The following PPM1L variants were observed in gnomAD, a reference collection of about 807,000 sequenced individuals.
PPM1L encodes the protein protein phosphatase 1L.
In PPM1L, 13 loss-of-function variants were observed where a neutral mutation model predicts 31.4. That is an observed-to-expected ratio of 0.41 (90% confidence interval 0.27 to 0.66). The LOEUF (loss-of-function observed/expected upper bound fraction) is 0.66. Among genes scored for constraint, PPM1L ranks in the 30% least tolerant of loss-of-function variants. The probability of loss-of-function intolerance (pLI) is 0.29; values close to 1 mark genes in which losing one functional copy is unlikely to be tolerated. For synonymous variants in PPM1L, 184 were observed against 175.4 expected (o/e 1.05, Z -0.39); for missense variants, 326 against 453.7 (o/e 0.72, Z 2.56).
At chr3:160,814,521 ACACACATATG>A (rs1227402376) in intron 1 of PPM1L, among the ~76,000 whole-genome samples, 22 of 101,176 alleles carry the variant, frequency 2.2e-4, no homozygotes, top group African/African-American at 8.0e-4. Flanking sequence ...ATATATATAC[ACACACATATG>A]TATGTATGTG....
At chr3:160,823,347 T>C (rs1303876450) in intron 1 of PPM1L, among the ~76,000 whole-genome samples, 1 of 151,318 alleles carries the variant, frequency 6.6e-6, no homozygotes, top group East Asian at 2.0e-4. Flanking sequence ...TTTCTTAATA[T>C]ATTGTGCAAA....
At chr3:161,032,215 C>CT (rs1453884468) in intron 2 of PPM1L, among the ~76,000 whole-genome samples, 2 of 152,222 alleles carry the variant, frequency 1.3e-5, no homozygotes, top group African/African-American at 2.4e-5. Flanking sequence ...TCATTCTATT[C>CT]TGTTAGGGTT....
At chr3:160,823,368 A>ATTTTTTTTTT (rs199918303) in intron 1 of PPM1L, among the ~76,000 whole-genome samples, 3 of 142,154 alleles carry the variant, frequency 2.1e-5, no homozygotes, top group Non-Finnish European at 3.1e-5. Context: ...TGTATAAATG[A>ATTTTTTTTTT]TTTTTTTTTT....
chr3:160,999,475 C>T (rs1324362410), intron 2 of PPM1L, among the ~76,000 whole-genome samples: 1 of 152,246 alleles, frequency 6.6e-6, no homozygotes, highest in Admixed American at 6.5e-5. Context: ...GAATCTCTTA[C>T]ACCCCAGTTA....
At chr3:160,992,860 T>C (rs1159380501) in intron 2 of PPM1L, among the ~76,000 whole-genome samples, 1 of 152,188 alleles carries the variant, frequency 6.6e-6, no homozygotes, top group Middle Eastern at 3.2e-3. Context: ...CTCATCTCTC[T>C]GAAGGAAGGT....
At chr3:161,024,714 A>G (rs1000759775) in intron 2 of PPM1L, among the ~76,000 whole-genome samples, 5 of 141,904 alleles carry the variant, frequency 3.5e-5, no homozygotes, top group Non-Finnish European at 7.6e-5. Context: ...AAAAAAAAAA[A>G]GGAAGCTCTG....
At chr3:160,887,208 TC>T (rs1560139305) in intron 1 of PPM1L, among the ~76,000 whole-genome samples, 1 of 152,040 alleles carries the variant, frequency 6.6e-6, no homozygotes, top group East Asian at 1.9e-4. Context: ...ATATGGGACT[TC>T]ATAAAAAGAC....
rs565590188 is a variant in PPM1L, at chr3:160,813,996, A to T, written c.399+57289A>T. Among the ~76,000 whole-genome samples, 4 of 152,358 alleles carry T rather than the reference A, an allele frequency of 2.6e-5. No individual in the cohort carries two copies. The East Asian group carries it at 7.7e-4, about 29-fold the overall frequency. On this transcript the variant is annotated intron_variant, in intron 1 of 3. Transcript: ENST00000498165. ...TACATATTTGGTAAATTTTGTTTAT[A>T]GAGACATAGAAAAGTAAAGATCTTT...
chr3:160,905,169 C>T lies in PPM1L; in HGVS notation c.400-56567C>T, dbSNP rs74847773. Among the ~76,000 whole-genome samples the T allele has an allele frequency of 6.3e-3, 958 of 152,236 alleles. 21 individuals are homozygous for T. Among genetic ancestry groups the T allele is most frequent in the Admixed American group, 0.051 (778 of 15,282 alleles). ...ACTGTATGATTTGCTAATCCAACCTCATATATCTTTATTATACGAAATTTA... is the reference window on the plus strand; with the variant it reads ...ACTGTATGATTTGCTAATCCAACCTTATATATCTTTATTATACGAAATTTA... On this transcript the variant is annotated intron_variant, in intron 1 of 3. Transcript: ENST00000498165.
intron 1 of PPM1L, among the ~76,000 whole-genome samples, chr3:160,918,285 A>G (rs1018292379): frequency 1.3e-5 from 2 of 152,276 alleles, no homozygotes; most frequent in Non-Finnish European, 2.9e-5. Context: ...TACCTGGCAC[A>G]TGGTATAGAG....
intron 2 of PPM1L, among the ~76,000 whole-genome samples, chr3:161,012,559 T>C (rs1274476483): frequency 1.3e-5 from 2 of 151,842 alleles, no homozygotes; most frequent in Non-Finnish European, 2.9e-5. Context: ...GATTCCCTCT[T>C]TTTCTATTGA....
chr3:160,839,415 T>TA (rs943126871), intron 1 of PPM1L, among the ~76,000 whole-genome samples: 6 of 151,254 alleles, frequency 4.0e-5, no homozygotes, highest in East Asian at 1.9e-4. Context: ...TAAGGGGAAG[T>TA]AAAAAAAAAG....
intron 1 of PPM1L, among the ~76,000 whole-genome samples, chr3:160,767,066 T>G (rs1334922300): frequency 6.6e-6 from 1 of 152,088 alleles, no homozygotes; most frequent in Non-Finnish European, 1.5e-5. Context: ...CATCTATGGG[T>G]CTACAATAAC....
chr3:160,862,658 A>ACACG (rs1352723826), intron 1 of PPM1L, among the ~76,000 whole-genome samples: 17 of 108,050 alleles, frequency 1.6e-4, no homozygotes, highest in Admixed American at 2.3e-4. Context: ...AATCCTAGGC[A>ACACG]CACGCACACA....
chr3:160,787,283 T>A (rs1348840280), intron 1 of PPM1L, among the ~76,000 whole-genome samples: 1 of 152,242 alleles, frequency 6.6e-6, no homozygotes, highest in Non-Finnish European at 1.5e-5. Context: ...TTTGACTTTT[T>A]AATAATCACC....
intron 2 of PPM1L, among the ~76,000 whole-genome samples, chr3:160,983,031 A>AT (rs1716853436): frequency 6.6e-6 from 1 of 152,230 alleles, no homozygotes; most frequent in South Asian, 2.1e-4. Context: ...GAGATTAAGC[A>AT]TTAAAGAACT....
chr3:160,943,016 G>A (rs1032165741), intron 1 of PPM1L, among the ~76,000 whole-genome samples: 2 of 151,946 alleles, frequency 1.3e-5, no homozygotes, highest in Non-Finnish European at 1.5e-5. Flanking sequence ...AAAAGGAACT[G>A]AGGAGTAAAA....
At chr3:160,757,156 A>G (rs1002522133) in intron 1 of PPM1L, among the ~76,000 whole-genome samples, 5 of 152,210 alleles carry the variant, frequency 3.3e-5, no homozygotes, top group South Asian at 2.1e-4. Flanking sequence ...CAAACAGGCT[A>G]TATCTGCAGA....
chr3:161,008,166 C>T (rs1717775337), intron 2 of PPM1L, among the ~76,000 whole-genome samples: 1 of 152,200 alleles, frequency 6.6e-6, no homozygotes, highest in South Asian at 2.1e-4. Flanking sequence ...CTAACTTTCC[C>T]TCCACCTTTT....
Sources: allele counts gnomAD v4.1 joint callset (sites outside exome capture counted in the v4.1 genomes callset), GRCh38; gene constraint gnomAD v4.1.1; transcripts MANE v1.5; gene names NCBI Gene and HGNC (gene_info 2026-07-23, HGNC 2026-07-21).